Variants in UGT1A10 observed in about 807,000 individuals in gnomAD.
UGT1A10 encodes UDP-glucuronosyltransferase 1A10.
Under a neutral mutation model 45.8 loss-of-function variants are expected in UGT1A10, and 49 were observed. That is an observed-to-expected ratio of 1.07 (90% CI 0.85 to 1.36). The LOEUF (loss-of-function observed/expected upper bound fraction) is 1.36. UGT1A10 is among the 40% of genes most tolerant of loss of function. The pLI is 0.00. For synonymous variants in UGT1A10, 284 were observed against 249.7 expected (o/e 1.14, Z -1.29); for missense variants, 745 against 668.6 (o/e 1.11, Z -1.26).
At chr2:233,677,250 A>G (rs1559336890) in intron 1 of UGT1A10, among the ~76,000 whole-genome samples, 1 of 152,150 alleles carries the variant, frequency 6.6e-6, no homozygotes, top group Non-Finnish European at 1.5e-5. Flanking sequence ...CCTTTGTCAG[A>G]TATATCCCTA....
chr2:233,750,413 A>G, intron 1 of UGT1A10, among the ~76,000 whole-genome samples: 1 of 151,976 alleles, frequency 6.6e-6, no homozygotes, highest in East Asian at 1.9e-4. Context: ...ACCATGTGGT[A>G]GAAAAGAAAA....
intron 4 of UGT1A10, chr2:233,771,349 A>C (rs1700292689): frequency 6.6e-6 from 1 of 151,972 alleles, no homozygotes; most frequent in Non-Finnish European, 1.5e-5. Context: ...TGTAGCACCA[A>C]GGGTTGAAGC....
rs1457115854 is a variant in UGT1A10, at chr2:233,724,955, G to A, written c.856-42079G>A. The stretch of plus-strand genomic sequence containing the variant: ...ACTCCGTCTGCAATCCCGGCACCTC[G>A]GGAGGCCGAGGTTGGCGGATCACTC... On this transcript the variant is annotated intron_variant, in intron 1 of 4. Coordinates refer to ENST00000344644, the MANE Select transcript of UGT1A10 (RefSeq NM_019075.4). Among the ~76,000 whole-genome samples the A allele has an allele frequency of 3.5e-5, 5 of 143,484 alleles. 1 individual carries two copies. The highest frequency in any genetic ancestry group is 2.1e-4 in the East Asian group (1 of 4,762). The allele number at this position is 143,484 out of a possible 152,430, so 94.1% of individuals were successfully genotyped here.
rs553715691 is a variant in UGT1A10, at chr2:233,649,024, A to G, written c.855+11647A>G. The G allele has an allele frequency of 2.7e-5, 34 of 1,257,040 alleles. 1 individual carries two copies. In the Admixed American group the frequency reaches 3.1e-4, roughly 11 times the overall value. 77.9% of individuals were successfully genotyped at this position (1,257,040 alleles called of 1,614,324 possible). A position where few individuals can be genotyped will look rare whatever the true frequency, so the allele number is the denominator to read the frequency against. ...CTGCAATCAGGGAAAGCCAGTGCCT[A>G]TGGTAAGTCATTGCTCCTTTAGCAC... On this transcript the variant is annotated intron_variant, in intron 1 of 4. Transcript: ENST00000344644.
intron 1 of UGT1A10, among the ~76,000 whole-genome samples, chr2:233,669,571 AT>A (rs1165609246): frequency 6.6e-6 from 1 of 152,102 alleles, no homozygotes; most frequent in Non-Finnish European, 1.5e-5. Context: ...TGCTGTTTTC[AT>A]TCCAATTTTC....
chr2:233,637,958 C>G (rs1447381341), intron 1 of UGT1A10, among the ~76,000 whole-genome samples: 1 of 151,900 alleles, frequency 6.6e-6, no homozygotes, highest in Admixed American at 6.6e-5. Context: ...GTTTTTTAAC[C>G]AATTAATATT....
chr2:233,712,879 A>C (rs969430104), intron 1 of UGT1A10: 3 of 1,597,048 alleles, frequency 1.9e-6, no homozygotes, highest in Non-Finnish European at 2.6e-6. Flanking sequence ...CTCTGTCTTC[A>C]ATTACATGTT....
At chr2:233,729,676 G>A in intron 1 of UGT1A10, 1 of 1,613,778 alleles carries the variant, frequency 6.2e-7, no homozygotes, top group African/African-American at 1.3e-5. Context: ...AGACTTTAAG[G>A]GCACACAGTG....
rs35129844 is a variant in UGT1A10 at position 233,767,814 on chromosome 2, C to A, written c.988-35C>A. Reference sequence around the variant, plus strand: ...ATTTGTTTTCTAATCATATTATGTTCTTTCTTTACGTTCTGCTCTTTTTGC... The same window carrying A: ...ATTTGTTTTCTAATCATATTATGTTATTTCTTTACGTTCTGCTCTTTTTGC... On this transcript the variant is annotated intron_variant, in intron 2 of 4. Coordinates refer to ENST00000344644, the MANE Select transcript of UGT1A10 (RefSeq NM_019075.4). The A allele has an allele frequency of 5.0e-6, 8 of 1,613,992 alleles. No homozygotes were observed. In the African/African-American group the frequency reaches 6.7e-5, roughly 13 times the overall value.
chr2:233,706,366 C>G (rs775485067), intron 1 of UGT1A10, among the ~76,000 whole-genome samples: 5 of 152,190 alleles, frequency 3.3e-5, no homozygotes, highest in Non-Finnish European at 5.9e-5. Flanking sequence ...CCAATTTAGG[C>G]CATTGTACAA....
At chr2:233,760,509 C>T (rs72551340) in intron 1 of UGT1A10, 1 of 1,614,154 alleles carries the variant, frequency 6.2e-7, no homozygotes, top group African/African-American at 1.3e-5. Flanking sequence ...GAGCATTTTA[C>T]ACCTTGAAGA....
At chr2:233,711,531 C>G (rs1251081299) in intron 1 of UGT1A10, among the ~76,000 whole-genome samples, 1 of 152,312 alleles carries the variant, frequency 6.6e-6, no homozygotes, top group South Asian at 2.1e-4. Context: ...CACAACTCCC[C>G]GGGAATCATC....
chr2:233,746,490 T>C (rs1347659366), intron 1 of UGT1A10, among the ~76,000 whole-genome samples: 2 of 151,808 alleles, frequency 1.3e-5, no homozygotes, highest in Admixed American at 1.3e-4. Flanking sequence ...CATGGACATG[T>C]CACTCTTTAG....
chr2:233,759,921 T>C (rs1359496363), intron 1 of UGT1A10, among the ~76,000 whole-genome samples: 1 of 152,198 alleles, frequency 6.6e-6, no homozygotes, highest in African/African-American at 2.4e-5. Context: ...TTCTGTTTAA[T>C]TTCTGGAAAA....
At chr2:233,756,352 C>G (rs1022933251) in intron 1 of UGT1A10, 1 of 152,152 alleles carries the variant, frequency 6.6e-6, no homozygotes, top group African/African-American at 2.4e-5. Flanking sequence ...ATTACTTTTA[C>G]CTAATAAATG....
intron 1 of UGT1A10, among the ~76,000 whole-genome samples, chr2:233,666,905 T>C (rs919151377): frequency 3.3e-5 from 5 of 151,950 alleles, no homozygotes; most frequent in African/African-American, 4.8e-5. Flanking sequence ...CGGTGTTTGG[T>C]TTCTTGTCCT....
At chr2:233,765,130 A>G (rs1448520577) in intron 1 of UGT1A10, among the ~76,000 whole-genome samples, 4 of 152,148 alleles carry the variant, frequency 2.6e-5, no homozygotes, top group Non-Finnish European at 4.4e-5. Context: ...AGGTTTTAGC[A>G]CTGAACATCA....
At chr2:233,650,725 G>A (rs1448556100) in intron 1 of UGT1A10, among the ~76,000 whole-genome samples, 2 of 151,872 alleles carry the variant, frequency 1.3e-5, no homozygotes, top group African/African-American at 2.4e-5. Context: ...GTTTTGATGG[G>A]GGCTTTTTTC....
At chr2:233,645,027 G>A (rs1021119065) in intron 1 of UGT1A10, among the ~76,000 whole-genome samples, 3 of 152,128 alleles carry the variant, frequency 2.0e-5, no homozygotes, top group Admixed American at 6.5e-5. Flanking sequence ...TTGGGAGCAG[G>A]TAGACCACTT....
Sources: allele counts gnomAD v4.1 joint callset (sites outside exome capture counted in the v4.1 genomes callset), GRCh38; gene constraint gnomAD v4.1.1; transcripts MANE v1.5; gene names NCBI Gene and HGNC (gene_info 2026-07-23, HGNC 2026-07-21).